Variants in ENTREP2 observed in about 807,000 individuals in gnomAD.
The protein encoded by ENTREP2 is endosomal transmembrane epsin interactor 2.
chr15:29,378,758 T>C, the ENTREP2 span, among the ~76,000 whole-genome samples: 6 of 151,204 alleles, frequency 4.0e-5, no homozygotes, highest in Non-Finnish European at 8.8e-5. Flanking sequence ...CATACATATA[T>C]AAAATTTATA....
the ENTREP2 span, among the ~76,000 whole-genome samples, chr15:29,569,066 C>G: frequency 5.9e-5 from 9 of 152,266 alleles, no homozygotes; most frequent in Admixed American, 2.6e-4. Context: ...GACATGAAAA[C>G]AATGCATATT....
the ENTREP2 span, among the ~76,000 whole-genome samples, chr15:29,336,997 C>T: frequency 6.6e-6 from 1 of 152,186 alleles, no homozygotes; most frequent in South Asian, 2.1e-4. Flanking sequence ...TCCCAGATCC[C>T]GTGCAAAATG....
chr15:29,135,084 G>GTTGC, the ENTREP2 span, among the ~76,000 whole-genome samples: 18 of 152,042 alleles, frequency 1.2e-4, no homozygotes, highest in African/African-American at 4.3e-4. The surrounding 1 kb of genome is among the most constrained non-coding windows in gnomAD (Gnocchi z 7.4). Flanking sequence ...TCCTCTGCTT[G>GTTGC]TTGCTTGGGC....
chr15:29,187,543 T>G, the ENTREP2 span, among the ~76,000 whole-genome samples: 1 of 152,178 alleles, frequency 6.6e-6, no homozygotes, highest in Admixed American at 6.5e-5. Flanking sequence ...CCCAAAGTGC[T>G]GGGATTACAG....
the ENTREP2 span, among the ~76,000 whole-genome samples, chr15:29,168,371 T>G: frequency 2.0e-5 from 3 of 152,078 alleles, no homozygotes; most frequent in African/African-American, 7.2e-5. Flanking sequence ...ACAAACCCAA[T>G]AAAGAAAGAA....
chr15:29,273,429 C>T, the ENTREP2 span, among the ~76,000 whole-genome samples: 4 of 152,012 alleles, frequency 2.6e-5, no homozygotes, highest in African/African-American at 7.2e-5. Context: ...AACTCCTGAC[C>T]TCAAGTGATC....
chr15:29,587,138 CGTGTGTGTGTGTGTGTGTGT>C, the ENTREP2 span, among the ~76,000 whole-genome samples: 49 of 124,066 alleles, frequency 3.9e-4, no homozygotes, highest in Non-Finnish European at 6.0e-4. Flanking sequence ...TGTAGCTAAC[CGTGTGTGTGTGTGTGTGTGT>C]GTGTGTGTGT....
At chr15:29,460,630 C>CA in the ENTREP2 span, among the ~76,000 whole-genome samples, 2 of 152,142 alleles carry the variant, frequency 1.3e-5, no homozygotes, top group Non-Finnish European at 2.9e-5. Context: ...GACTCTGTCT[C>CA]AAAAAACAAA....
the ENTREP2 span, among the ~76,000 whole-genome samples, chr15:29,564,703 AC>A: frequency 6.6e-6 from 1 of 152,066 alleles, no homozygotes; most frequent in African/African-American, 2.4e-5. Context: ...GGGTTCCACC[AC>A]CTGTCAATAG....
At chr15:29,281,635 C>A in the ENTREP2 span, among the ~76,000 whole-genome samples, 4 of 152,242 alleles carry the variant, frequency 2.6e-5, no homozygotes, top group African/African-American at 9.6e-5. Flanking sequence ...ATTTGTGAGG[C>A]TGCTGAACCA....
chr15:29,658,264 C>T, the ENTREP2 span, among the ~76,000 whole-genome samples: 2 of 152,118 alleles, frequency 1.3e-5, no homozygotes, highest in African/African-American at 4.8e-5. Flanking sequence ...ATTTTTTTCT[C>T]TCCTGCCACC....
the ENTREP2 span, among the ~76,000 whole-genome samples, chr15:29,560,241 C>T: frequency 6.6e-6 from 1 of 152,284 alleles, no homozygotes; most frequent in Non-Finnish European, 1.5e-5. Context: ...TCCTTGAAAA[C>T]AGAGCAGAAG....
chr15:29,320,948 G>T, the ENTREP2 span, among the ~76,000 whole-genome samples: 1 of 152,182 alleles, frequency 6.6e-6, no homozygotes, highest in Admixed American at 6.5e-5. Flanking sequence ...AAGGCAAAAA[G>T]AGAATGGAAT....
At chr15:29,578,352 GA>G in the ENTREP2 span, among the ~76,000 whole-genome samples, 4 of 152,192 alleles carry the variant, frequency 2.6e-5, no homozygotes, top group Non-Finnish European at 5.9e-5. Flanking sequence ...GCAGTGACTG[GA>G]AAAGATATGT....
At chr15:29,432,810 T>G in the ENTREP2 span, among the ~76,000 whole-genome samples, 7 of 152,214 alleles carry the variant, frequency 4.6e-5, no homozygotes, top group Middle Eastern at 3.4e-3. Flanking sequence ...CACGCAGCTG[T>G]GAGGAGCCCT....
chr15:29,243,202 T>C, the ENTREP2 span, among the ~76,000 whole-genome samples: 1 of 152,242 alleles, frequency 6.6e-6, no homozygotes, highest in African/African-American at 2.4e-5. Context: ...ATCCATGTTT[T>C]GTTGTATTTA....
At chr15:29,218,455 G>GA in the ENTREP2 span, among the ~76,000 whole-genome samples, 3 of 152,052 alleles carry the variant, frequency 2.0e-5, no homozygotes, top group East Asian at 1.9e-4. Flanking sequence ...CATAGGATTA[G>GA]AAAAAACAAT....
chr15:29,264,594 A>AC, the ENTREP2 span, among the ~76,000 whole-genome samples: 94 of 152,290 alleles, frequency 6.2e-4, no homozygotes, highest in African/African-American at 2.2e-3. Context: ...CAGCAGACAA[A>AC]CCCCAGCTGA....
chr15:29,389,874 C>G, the ENTREP2 span, among the ~76,000 whole-genome samples: 1 of 152,158 alleles, frequency 6.6e-6, no homozygotes, highest in Admixed American at 6.5e-5. Flanking sequence ...CTCCCCAGAC[C>G]TCTCCAGGAG....
Sources: allele counts gnomAD v4.1 joint callset (sites outside exome capture counted in the v4.1 genomes callset), GRCh38; gene constraint gnomAD v4.1.1; non-coding constraint Gnocchi (gnomAD v3.1); transcripts MANE v1.5; gene names NCBI Gene and HGNC (gene_info 2026-07-23, HGNC 2026-07-21).